Variants in TENM4 observed in about 807,000 individuals in gnomAD.
TENM4 encodes the protein teneurin transmembrane protein 4, also known as teneurin-4.
A neutral mutation model predicts 243.3 loss-of-function variants in TENM4; 82 were observed. The ratio of observed to expected loss-of-function variants is 0.34; its 90% confidence interval spans 0.28 to 0.40. TENM4 has a LOEUF of 0.40. Ranked by LOEUF, TENM4 falls within the 10% of genes least tolerant of loss-of-function variation. The pLI, the probability that TENM4 is intolerant of heterozygous loss-of-function variation, is 1.00. For missense variants in TENM4, 3,138 were observed against 3,673.3 expected (o/e 0.85, Z 3.77); for synonymous variants, 1,412 against 1,456.3 (o/e 0.97, Z 0.69).
chr11:78,987,591 T>C (rs1857947620), intron 6 of TENM4, among the ~76,000 whole-genome samples: 1 of 152,254 alleles, frequency 6.6e-6, no homozygotes, highest in Non-Finnish European at 1.5e-5. Context: ...AAAATATCAT[T>C]GTACATGTAA....
At chr11:79,296,692 C>G (rs1023670760) in intron 2 of TENM4, among the ~76,000 whole-genome samples, 2 of 152,328 alleles carry the variant, frequency 1.3e-5, no homozygotes, top group East Asian at 1.9e-4. Flanking sequence ...GGGTTTCAAG[C>G]CTAGCTCTAA....
intron 2 of TENM4, among the ~76,000 whole-genome samples, chr11:79,294,513 C>T (rs966932874): frequency 2.6e-5 from 4 of 152,172 alleles, no homozygotes; most frequent in African/African-American, 9.7e-5. Flanking sequence ...CATCAGTTTT[C>T]TGCAATCTCA....
chr11:78,887,892 A>G (rs1449322107), intron 9 of TENM4, among the ~76,000 whole-genome samples: 2 of 152,266 alleles, frequency 1.3e-5, no homozygotes, highest in Non-Finnish European at 2.9e-5. Context: ...ATGGATGTGT[A>G]TAGCAGCAAA....
At chr11:79,344,958 T>C (rs1387175531) in intron 1 of TENM4, among the ~76,000 whole-genome samples, 3 of 152,232 alleles carry the variant, frequency 2.0e-5, no homozygotes, top group Non-Finnish European at 4.4e-5. Flanking sequence ...AAAGCTTCCA[T>C]AACTTCCTAA....
At chr11:78,711,734 C>T (rs975480506) in intron 26 of TENM4, among the ~76,000 whole-genome samples, 3 of 152,118 alleles carry the variant, frequency 2.0e-5, no homozygotes, top group African/African-American at 7.2e-5. Context: ...ATGATGGCTT[C>T]TCCAAAAAGC....
chr11:79,174,182 AC>A (rs1188898369), intron 3 of TENM4, among the ~76,000 whole-genome samples: 2 of 152,216 alleles, frequency 1.3e-5, no homozygotes, highest in South Asian at 2.1e-4. Flanking sequence ...CCCCGCCCCC[AC>A]AGCTTATCCT....
In TENM4 at chr11:79,438,371, G is replaced by A. The variant is rs1301784244; in HGVS notation, c.-321+2138C>T. On this transcript the variant is annotated intron_variant, in intron 1 of 33. Transcript: ENST00000278550. The surrounding 1 kb of genome is among the most constrained non-coding windows in gnomAD (Gnocchi z 4.1). ...AACGGGGAGAATAAACGCAACAGAA[G>A]CAAACTGCTGTCTGCAGAGGCGAGA... 2.6e-5 allele frequency among the ~76,000 whole-genome samples: 4 copies of A among 152,230 alleles called. No homozygotes were observed. The highest frequency in any genetic ancestry group is 1.3e-4 in the Admixed American group (2 of 15,284).
chr11:79,165,111 A>C (rs1862884351), intron 3 of TENM4, among the ~76,000 whole-genome samples: 1 of 152,040 alleles, frequency 6.6e-6, no homozygotes, highest in Admixed American at 6.6e-5. Context: ...ATGCTTGTAC[A>C]AGTATCTTTT....
intron 3 of TENM4, among the ~76,000 whole-genome samples, chr11:79,207,540 C>T (rs1460275045): frequency 1.3e-5 from 2 of 152,108 alleles, no homozygotes; most frequent in African/African-American, 4.8e-5. Flanking sequence ...CCTGAGCTCC[C>T]TGCCATCTGT....
chr11:79,173,400 C>A (rs1473027321), intron 3 of TENM4, among the ~76,000 whole-genome samples: 1 of 152,098 alleles, frequency 6.6e-6, no homozygotes, highest in Non-Finnish European at 1.5e-5. Flanking sequence ...CAATTTTCTT[C>A]TTCTTGGCAG....
intron 6 of TENM4, among the ~76,000 whole-genome samples, chr11:79,050,839 C>T (rs1159622752): frequency 6.6e-6 from 1 of 152,198 alleles, no homozygotes; most frequent in African/African-American, 2.4e-5. Context: ...ATCCTTCTCA[C>T]AGAGCAAACT....
chr11:78,924,921 G>A (rs1856522493), intron 6 of TENM4, among the ~76,000 whole-genome samples: 1 of 152,148 alleles, frequency 6.6e-6, no homozygotes, highest in Admixed American at 6.5e-5. Flanking sequence ...GACATTCCCT[G>A]GTCACCCATA....
chr11:78,849,765 C>T (rs1233632118), intron 12 of TENM4, among the ~76,000 whole-genome samples: 1 of 152,192 alleles, frequency 6.6e-6, no homozygotes, highest in Non-Finnish European at 1.5e-5. Context: ...ATTTACTCAT[C>T]TGCAATAGGG....
At chr11:79,343,122 C>G (rs978014892) in intron 1 of TENM4, among the ~76,000 whole-genome samples, 2 of 152,210 alleles carry the variant, frequency 1.3e-5, no homozygotes, top group East Asian at 3.9e-4. Context: ...GCATGGATAG[C>G]TTGGGCACAA....
intron 6 of TENM4, among the ~76,000 whole-genome samples, chr11:79,022,406 T>C (rs1389279088): frequency 1.3e-5 from 2 of 152,138 alleles, no homozygotes; most frequent in Admixed American, 1.3e-4. Flanking sequence ...GTCTCAGCTA[T>C]GCAGTAAACA....
chr11:79,341,511 A>G (rs1857241554), intron 1 of TENM4, among the ~76,000 whole-genome samples: 2 of 152,234 alleles, frequency 1.3e-5, no homozygotes, highest in South Asian at 4.1e-4. Context: ...ACTTGACCCA[A>G]GAAAGTCATA....
intron 6 of TENM4, among the ~76,000 whole-genome samples, chr11:78,964,647 G>C (rs997712988): frequency 5.3e-5 from 8 of 152,116 alleles, no homozygotes; most frequent in Non-Finnish European, 7.4e-5. Context: ...TGAACATTCT[G>C]CATTCCTTTC....
At chr11:79,008,669 G>GC (rs1858555690) in intron 6 of TENM4, among the ~76,000 whole-genome samples, 1 of 152,174 alleles carries the variant, frequency 6.6e-6, no homozygotes, top group Non-Finnish European at 1.5e-5. Context: ...GGGATATGGA[G>GC]CTGGTTTCTG....
intron 4 of TENM4, among the ~76,000 whole-genome samples, chr11:79,106,961 T>C (rs1010898512): frequency 3.3e-5 from 5 of 152,204 alleles, no homozygotes; most frequent in Non-Finnish European, 7.3e-5. Flanking sequence ...TTCTTATTTA[T>C]CAAATAAGTA....
Sources: allele counts gnomAD v4.1 joint callset (sites outside exome capture counted in the v4.1 genomes callset), GRCh38; gene constraint gnomAD v4.1.1; non-coding constraint Gnocchi (gnomAD v3.1); transcripts MANE v1.5; gene names NCBI Gene and HGNC (gene_info 2026-07-23, HGNC 2026-07-21).